Variants in SMIM10L3 observed in about 807,000 individuals in gnomAD.
SMIM10L3 encodes salivary gland specific protein SAGSIN1.
the SMIM10L3 span, chr7:6,330,208 C>T: frequency 1.5e-6 from 1 of 686,010 alleles, no homozygotes; most frequent in South Asian, 2.1e-5. Flanking sequence ...GTTCCTTCCG[C>T]ATCAACTGGC....
At chr7:6,332,070 C>G in the SMIM10L3 span, among the ~76,000 whole-genome samples, 1 of 150,140 alleles carries the variant, frequency 6.7e-6, no homozygotes, top group Non-Finnish European at 1.5e-5. Flanking sequence ...CGAGATCATG[C>G]CACTGCACTC....
the SMIM10L3 span, among the ~76,000 whole-genome samples, chr7:6,336,884 G>C: frequency 1.3e-5 from 2 of 151,654 alleles, no homozygotes; most frequent in Non-Finnish European, 3.0e-5. Context: ...GAACTCCTGG[G>C]CTCAAGTGAT....
chr7:6,345,434 T>C, the SMIM10L3 span, among the ~76,000 whole-genome samples: 1 of 152,138 alleles, frequency 6.6e-6, no homozygotes, highest in Admixed American at 6.6e-5. Context: ...ATTTGTTTTT[T>C]AGAAGTTGCC....
the SMIM10L3 span, among the ~76,000 whole-genome samples, chr7:6,346,850 G>C: frequency 6.6e-6 from 1 of 152,148 alleles, no homozygotes; most frequent in Non-Finnish European, 1.5e-5. Flanking sequence ...TGGTTCTACT[G>C]CTCAGACTGG....
chr7:6,342,662 C>T, the SMIM10L3 span, among the ~76,000 whole-genome samples: 3 of 152,100 alleles, frequency 2.0e-5, no homozygotes, highest in South Asian at 4.1e-4. Flanking sequence ...TGCAAATGTT[C>T]GTAGTAACAT....
the SMIM10L3 span, among the ~76,000 whole-genome samples, chr7:6,347,441 G>C: frequency 2.6e-5 from 4 of 151,896 alleles, no homozygotes; most frequent in Non-Finnish European, 4.4e-5. Flanking sequence ...GCTTGAACTC[G>C]GGAGGCAGAG....
chr7:6,338,168 G>A, the SMIM10L3 span, among the ~76,000 whole-genome samples: 1 of 152,024 alleles, frequency 6.6e-6, no homozygotes, highest in African/African-American at 2.4e-5. Flanking sequence ...ACCTCTTCTG[G>A]TATTAGACTG....
chr7:6,337,884 A>G, the SMIM10L3 span, among the ~76,000 whole-genome samples: 5 of 151,506 alleles, frequency 3.3e-5, no homozygotes, highest in Admixed American at 2.0e-4. Flanking sequence ...GCTCACTGCA[A>G]CCTCCGCCTC....
At chr7:6,347,030 GAA>G in the SMIM10L3 span, among the ~76,000 whole-genome samples, 1 of 152,136 alleles carries the variant, frequency 6.6e-6, no homozygotes, top group Non-Finnish European at 1.5e-5. Context: ...CCTTCCACTA[GAA>G]AAAGTCATCT....
chr7:6,336,372 T>C, the SMIM10L3 span, among the ~76,000 whole-genome samples: 64 of 150,820 alleles, frequency 4.2e-4, no homozygotes, highest in African/African-American at 1.4e-3. Flanking sequence ...AAAAACTGTA[T>C]ATATATGAAC....
chr7:6,331,676 G>C, the SMIM10L3 span, among the ~76,000 whole-genome samples: 1 of 151,428 alleles, frequency 6.6e-6, no homozygotes, highest in African/African-American at 2.4e-5. Flanking sequence ...CACCACGCCC[G>C]GCCTAGTGGA....
the SMIM10L3 span, among the ~76,000 whole-genome samples, chr7:6,339,671 G>C: frequency 1.9e-4 from 29 of 151,892 alleles, no homozygotes; most frequent in African/African-American, 6.0e-4. Context: ...TTTTAGTAGA[G>C]ACAGGGTTTC....
chr7:6,333,324 G>T, the SMIM10L3 span, among the ~76,000 whole-genome samples: 1 of 152,134 alleles, frequency 6.6e-6, no homozygotes, highest in African/African-American at 2.4e-5. Flanking sequence ...AGAAGCTTCA[G>T]CAAGGACAGG....
chr7:6,334,125 C>A, the SMIM10L3 span, among the ~76,000 whole-genome samples: 1 of 151,452 alleles, frequency 6.6e-6, no homozygotes. Context: ...GGATTACAAG[C>A]GTGAGCCACC....
chr7:6,347,767 C>T, the SMIM10L3 span, among the ~76,000 whole-genome samples: 2 of 151,872 alleles, frequency 1.3e-5, no homozygotes, highest in Non-Finnish European at 2.9e-5. Context: ...CATAAAACGT[C>T]TATGCAGGCC....
chr7:6,337,325 A>T, the SMIM10L3 span, among the ~76,000 whole-genome samples: 2 of 151,608 alleles, frequency 1.3e-5, no homozygotes, highest in African/African-American at 4.8e-5. Context: ...TTTTACCATG[A>T]TGGCCAGGCT....
At chr7:6,340,625 G>C in the SMIM10L3 span, among the ~76,000 whole-genome samples, 1 of 152,006 alleles carries the variant, frequency 6.6e-6, no homozygotes, top group East Asian at 1.9e-4. Context: ...TATGAGTGCT[G>C]GCTGGGCATG....
chr7:6,346,698 T>G, the SMIM10L3 span, among the ~76,000 whole-genome samples: 1 of 152,126 alleles, frequency 6.6e-6, no homozygotes, highest in African/African-American at 2.4e-5. Flanking sequence ...TTAACTCAAT[T>G]TGGATCAACA....
the SMIM10L3 span, among the ~76,000 whole-genome samples, chr7:6,336,917 G>T: frequency 1.3e-5 from 2 of 152,090 alleles, no homozygotes; most frequent in East Asian, 3.9e-4. Flanking sequence ...GCCTCCCAAA[G>T]TGCTGGAATT....
Sources: gnomAD v4.1 joint callset for allele counts (sites outside exome capture counted in the v4.1 genomes callset) on GRCh38, gnomAD v4.1.1 for gene constraint, MANE v1.5 for transcripts, NCBI Gene and HGNC (gene_info 2026-07-23, HGNC 2026-07-21) for gene names.